RGL2: variants seen among roughly 807,000 people sequenced by gnomAD.
RGL2 encodes the protein ral guanine nucleotide dissociation stimulator-like 2.
RGL2 carries 40 observed loss-of-function variants against 84.6 expected under a neutral mutation model. The ratio of observed to expected loss-of-function variants is 0.47; its 90% confidence interval spans 0.37 to 0.62. The LOEUF is 0.62. Among genes scored for constraint, RGL2 ranks in the 20% least tolerant of loss-of-function variants. The pLI is 0.00. For missense variants in RGL2, 865 were observed against 1,019.7 expected, an observed-to-expected ratio of 0.85 and a Z score of 2.07; for synonymous variants, 369 against 417.3, an observed-to-expected ratio of 0.88 and a Z score of 1.41.
chr6:33,293,485 G>A lies in RGL2; in HGVS notation c.1644C>T (p.Ser548=). The part of the protein sequence containing the change: ...GSVGVPTPLV[S]CDRPSTGGDE... ...CTCCCCCAGTACTGGGCCGGTCACAGGACACAAGCGGGGTAGGGACCCCAA... is the reference window on the plus strand; with the variant it reads ...CTCCCCCAGTACTGGGCCGGTCACAAGACACAAGCGGGGTAGGGACCCCAA... The change falls in exon 15 of 18, where the codon TCC becomes TCT. Residue 548 remains serine (S), a synonymous_variant. Transcript: ENST00000497454. This position sits in a 1 kb window ranked among gnomAD's most constrained non-coding sequence, Gnocchi z 7.0. 1.2e-6 allele frequency: 2 copies of A among 1,614,152 alleles called. No individual in the cohort carries two copies. Among genetic ancestry groups the A allele is most frequent in the Non-Finnish European group, 1.7e-6 (2 of 1,179,988 alleles).
upstream of RGL2, chr6:33,299,363 C>G (rs1768341427): frequency 6.6e-6 from 1 of 152,236 alleles, no homozygotes; most frequent in South Asian, 2.1e-4. This position sits in a 1 kb window ranked among gnomAD's most constrained non-coding sequence, Gnocchi z 5.0. Context: ...CTACCACAAC[C>G]CACGAATGTA....
chr6:33,301,529 A>G (rs1768582335), upstream of RGL2: 1 of 543,388 alleles, frequency 1.8e-6, no homozygotes, highest in African/African-American at 1.9e-5. Context: ...AGCCAAGATC[A>G]TGCCACTGCA....
rs921598905 is a variant in RGL2 at position 33,295,061 on chromosome 6, TAA to T, written c.1210-18_1210-17del. On this transcript the variant is annotated splice_polypyrimidine_tract_variant and intron_variant, in intron 9 of 17. Coordinates refer to ENST00000497454, the MANE Select transcript of RGL2 (RefSeq NM_004761.5). This position sits in a 1 kb window ranked among gnomAD's most constrained non-coding sequence, Gnocchi z 7.2. The stretch of plus-strand genomic sequence containing the variant: ...GCTTCACCTCCTGGTGGTGACAAAA[TAA>T]AAGAGACATGGGGGAGCAGTAGGGA... The T allele has an allele frequency of 4.4e-6, 7 of 1,581,678 alleles. No homozygotes were observed. The highest frequency in any genetic ancestry group is 4.6e-5 in the East Asian group (2 of 43,526).
upstream of RGL2, chr6:33,301,505 C>T (rs927436350): frequency 1.9e-5 from 9 of 482,894 alleles, no homozygotes; most frequent in African/African-American, 1.2e-4. Context: ...ACCCAGGAGG[C>T]GGAGGTTGCA....
rs749438017 is a variant in RGL2, at chr6:33,296,760, G to T, written c.257C>A (p.Pro86Gln). 6.2e-7 allele frequency: 1 copy of T among 1,614,018 alleles called. No individual in the cohort carries two copies. Among genetic ancestry groups the T allele is most frequent in the Non-Finnish European group, 8.5e-7 (1 of 1,180,018 alleles). ...AGCTCGGAGCCGTCGGGAGGAACGT[G>T]GGGGAGGCATAGGGACCTGGAGAAC... ...PLDPLVPMPP[P>Q]RSSRRLRAGT... Residue 86 changes from proline to glutamine, a missense_variant, in exon 4 of 18, where the codon CCA (proline) becomes CAA (glutamine). Around this residue, in one of 5 missense-constraint regions of RGL2, gnomAD observed 455 missense variants for 507.8 expected, o/e 0.90. Transcript: ENST00000497454. The surrounding 1 kb of genome is among the most constrained non-coding windows in gnomAD (Gnocchi z 5.0).
rs1218278516 is a variant in RGL2 at position 33,294,507 on chromosome 6, G to A, written c.1353+181C>T. 1.3e-5 allele frequency among the ~76,000 whole-genome samples: 2 copies of A among 152,184 alleles called. No homozygotes were observed. Among genetic ancestry groups the A allele is most frequent in the Non-Finnish European group, 2.9e-5 (2 of 68,030 alleles). On this transcript the variant is annotated intron_variant, in intron 11 of 17. Coordinates refer to ENST00000497454, the MANE Select transcript of RGL2 (RefSeq NM_004761.5). This position sits in a 1 kb window ranked among gnomAD's most constrained non-coding sequence, Gnocchi z 5.0. ...TTAACCCTTATAACAGATCAATGTA[G>A]ATGCTATTTCTAGTTTCCCATTTAC... is the stretch of plus-strand genomic sequence containing the variant.
rs765774668 is a variant in RGL2 at position 33,296,909 on chromosome 6, A to G, written c.240+123T>C. 2 of 1,473,458 alleles carry G rather than the reference A, an allele frequency of 1.4e-6. No individual in the cohort carries two copies. The highest frequency in any genetic ancestry group is 4.5e-5 in the East Asian group (2 of 44,134). 91.3% of individuals were successfully genotyped at this position (1,473,458 alleles called of 1,614,324 possible). On this transcript the variant is annotated intron_variant, in intron 3 of 17. Coordinates refer to ENST00000497454, the MANE Select transcript of RGL2 (RefSeq NM_004761.5). The surrounding 1 kb of genome is among the most constrained non-coding windows in gnomAD (Gnocchi z 5.0). ...TCAGAGAGGGCAAGAGTCTTGGCCT[A>G]TGTCACACAGCAGAGTCCAGGACTC... is the stretch of plus-strand genomic sequence containing the variant.
chr6:33,300,806 A>C (rs564981791), upstream of RGL2: 81 of 152,082 alleles, frequency 5.3e-4, no homozygotes, highest in African/African-American at 1.9e-3. Flanking sequence ...TCTACTAAAA[A>C]ATACAAAATA....
chr6:33,299,017 C>G (rs543177693), upstream of RGL2: 218 of 159,042 alleles, frequency 1.4e-3, no homozygotes, highest in African/African-American at 4.7e-3. This position sits in a 1 kb window ranked among gnomAD's most constrained non-coding sequence, Gnocchi z 5.0. Context: ...TCCGCTCCCC[C>G]CCGCGTCCGC....
upstream of RGL2, chr6:33,300,748 C>T (rs1221115567): frequency 6.8e-6 from 1 of 148,118 alleles, no homozygotes; most frequent in African/African-American, 2.5e-5. Flanking sequence ...GGCGGATCAC[C>T]AGGTTAGGAG....
Position 33,294,836 on chromosome 6 carries a change from C to A in RGL2, c.1279-74G>T, listed in dbSNP as rs1470601553. 6 of 1,530,734 alleles carry A rather than the reference C, an allele frequency of 3.9e-6. No homozygotes were observed. Among genetic ancestry groups the A allele is most frequent in the Non-Finnish European group, 5.4e-6 (6 of 1,118,294 alleles). The allele number at this position is 1,530,734 out of a possible 1,614,324, so 94.8% of individuals were successfully genotyped here. A position where few individuals can be genotyped will look rare whatever the true frequency, so the allele number is the denominator to read the frequency against. On this transcript the variant is annotated intron_variant, in intron 10 of 17. Transcript: ENST00000497454. The surrounding 1 kb of genome is among the most constrained non-coding windows in gnomAD (Gnocchi z 5.0). ...CCTCCATCCCTCCGCACTTGCCCTC[C>A]TCATTGCCTCAGAGAACAGATTTCA...
Position 33,296,445 on chromosome 6 carries a change from G to A in RGL2, c.439C>T (p.His147Tyr), listed in dbSNP as rs1210259493. Residue 147 changes from histidine (H) to tyrosine (Y), a missense_variant, in exon 5 of 18, where the codon CAT (histidine) becomes TAT (tyrosine). His to Tyr is a moderately conservative substitution (Grantham distance 83). Transcript: ENST00000497454. The surrounding 1 kb of genome is among the most constrained non-coding windows in gnomAD (Gnocchi z 5.0). ...GTCCTCTCTAGTTCGTCGGTAGGATGAGATTCAAGGGCTTCCAGCCTGAGG... is the reference window on the plus strand; with the variant it reads ...GTCCTCTCTAGTTCGTCGGTAGGATAAGATTCAAGGGCTTCCAGCCTGAGG... ...MADRLEALESHPTDELERTTE... is the reference protein window; with the variant it reads ...MADRLEALESYPTDELERTTE... 2.5e-5 allele frequency: 40 copies of A among 1,610,624 alleles called. No homozygotes were observed. The highest frequency in any genetic ancestry group is 3.2e-5 in the Non-Finnish European group (38 of 1,178,300).
In RGL2 at chr6:33,292,003, G is replaced by C; in HGVS notation, c.*99C>G. 1 of 1,354,222 alleles carries C rather than the reference G, an allele frequency of 7.4e-7. No homozygotes were observed. The highest frequency in any genetic ancestry group is 1.2e-5 in the South Asian group (1 of 81,998). 83.9% of individuals were successfully genotyped at this position (1,354,222 alleles called of 1,614,324 possible). ...CCCCAGGGTGGCTGGCTCCCTTTCTGAATTTCTGTCTCAATGTGATATAAT... is the reference window on the plus strand; with the variant it reads ...CCCCAGGGTGGCTGGCTCCCTTTCTCAATTTCTGTCTCAATGTGATATAAT... On this transcript the variant is annotated 3_prime_UTR_variant, in exon 18 of 18. Transcript: ENST00000497454.
In RGL2 at chr6:33,294,009, C is replaced by T. The variant is rs1767691879; in HGVS notation, c.1386+25G>A. 6.2e-7 allele frequency: 1 copy of T among 1,614,028 alleles called. No homozygotes were observed. Among genetic ancestry groups the T allele is most frequent in the Non-Finnish European group, 8.5e-7 (1 of 1,180,018 alleles). On this transcript the variant is annotated intron_variant, in intron 12 of 17. Transcript: ENST00000497454. This position sits in a 1 kb window ranked among gnomAD's most constrained non-coding sequence, Gnocchi z 5.0. ...CTGGAACATGGATAGGGAAGTCCAG[C>T]ATCCAGCCCAGACACTCCGCTCACC...
Position 33,295,267 on chromosome 6 carries a change from T to C in RGL2, c.1124+52A>G, listed in dbSNP as rs1420339205. 13 of 1,563,110 alleles carry C rather than the reference T, an allele frequency of 8.3e-6. No homozygotes were observed. Among genetic ancestry groups the C allele is most frequent in the Non-Finnish European group, 1.0e-5 (12 of 1,153,096 alleles). ...CAGGCCTGGCTCTGTCACCCCCTCT[T>C]CCCCGCCTTCTGAGGAACCCCCACC... On this transcript the variant is annotated intron_variant, in intron 8 of 17. Transcript: ENST00000497454. The surrounding 1 kb of genome is among the most constrained non-coding windows in gnomAD (Gnocchi z 7.2).
rs1768065192 is a variant in RGL2, at chr6:33,297,257, G to C, written c.157-142C>G. On this transcript the variant is annotated intron_variant, in intron 2 of 17. Transcript: ENST00000497454. This position sits in a 1 kb window ranked among gnomAD's most constrained non-coding sequence, Gnocchi z 4.0. Reference sequence around the variant, plus strand: ...GTACCAGCGAGTGCGAGGAAGGGTTGGGGGAGCTGGTGACCCCAGGTCTCC... The same window carrying C: ...GTACCAGCGAGTGCGAGGAAGGGTTCGGGGAGCTGGTGACCCCAGGTCTCC... The C allele has an allele frequency of 6.2e-6, 4 of 640,498 alleles. No individual in the cohort carries two copies. The highest frequency in any genetic ancestry group is 7.7e-6 in the Non-Finnish European group (3 of 390,308). The allele number at this position is 640,498 out of a possible 1,614,324, so 39.7% of individuals were successfully genotyped here. A position where few individuals can be genotyped will look rare whatever the true frequency, so the allele number is the denominator to read the frequency against.
In RGL2 at chr6:33,296,569, C is replaced by A; in HGVS notation, c.419+29G>T. On this transcript the variant is annotated intron_variant, in intron 4 of 17. Coordinates refer to ENST00000497454, the MANE Select transcript of RGL2 (RefSeq NM_004761.5). This position sits in a 1 kb window ranked among gnomAD's most constrained non-coding sequence, Gnocchi z 5.0. ...CTTTAGGAAATCCGGGCAGATACTC[C>A]ACTACCCTGCGTCCCTTATGACTCT... The A allele has an allele frequency of 6.2e-7, 1 of 1,601,420 alleles. No homozygotes were observed.
rs1026310039 is a variant in RGL2 at position 33,297,831 on chromosome 6, G to A, written c.156+624C>T. 4.6e-5 allele frequency: 7 copies of A among 152,380 alleles called. No individual in the cohort carries two copies. The highest frequency in any genetic ancestry group is 1.4e-4 in the African/African-American group (6 of 41,528). 9.4% of individuals were successfully genotyped at this position (152,380 alleles called of 1,614,324 possible). A position where few individuals can be genotyped will look rare whatever the true frequency, so the allele number is the denominator to read the frequency against. On this transcript the variant is annotated intron_variant, in intron 2 of 17. Coordinates refer to ENST00000497454, the MANE Select transcript of RGL2 (RefSeq NM_004761.5). This position sits in a 1 kb window ranked among gnomAD's most constrained non-coding sequence, Gnocchi z 4.0. ...TGGACCTAGGAGTTTAGGGCCTCGG[G>A]GCCCCAAATCCAAATTCTGGCCCCT... is the stretch of plus-strand genomic sequence containing the variant.
Position 33,295,273 on chromosome 6 carries a change from C to T in RGL2, c.1124+46G>A, listed in dbSNP as rs763439219. 22 of 1,561,934 alleles carry T rather than the reference C, an allele frequency of 1.4e-5. No homozygotes were observed. The highest frequency in any genetic ancestry group is 1.9e-5 in the Non-Finnish European group (22 of 1,152,360). On this transcript the variant is annotated intron_variant, in intron 8 of 17. Transcript: ENST00000497454. The surrounding 1 kb of genome is among the most constrained non-coding windows in gnomAD (Gnocchi z 7.2). ...TGGCTCTGTCACCCCCTCTTCCCCGCCTTCTGAGGAACCCCCACCCCAGTC... is the reference window on the plus strand; with the variant it reads ...TGGCTCTGTCACCCCCTCTTCCCCGTCTTCTGAGGAACCCCCACCCCAGTC...
Sources: allele counts gnomAD v4.1 joint callset (sites outside exome capture counted in the v4.1 genomes callset), GRCh38; gene constraint gnomAD v4.1.1; regional missense constraint gnomAD v4.1.1; non-coding constraint Gnocchi (gnomAD v3.1); transcripts MANE v1.5; gene names NCBI Gene and HGNC (gene_info 2026-07-23, HGNC 2026-07-21).